Variants in DSCAML1 observed in about 807,000 individuals in gnomAD.
The protein encoded by DSCAML1 is cell adhesion molecule DSCAML1.
Under a neutral mutation model 200.5 loss-of-function variants are expected in DSCAML1, and 38 were observed. That is an observed-to-expected ratio of 0.19 (90% CI 0.15 to 0.25). DSCAML1 has a LOEUF of 0.25. DSCAML1 is among the 10% of genes least tolerant of loss of function. The probability of loss-of-function intolerance (pLI) is 1.00; values close to 1 mark genes in which losing one functional copy is unlikely to be tolerated. For missense variants in DSCAML1, 2,223 were observed against 2,858.8 expected (o/e 0.78, Z 5.07); for synonymous variants, 1,215 against 1,165.0 (o/e 1.04, Z -0.87).
chr11:117,511,463 C>T (rs924502041), intron 8 of DSCAML1, among the ~76,000 whole-genome samples: 3 of 152,176 alleles, frequency 2.0e-5, no homozygotes, highest in South Asian at 4.1e-4. Context: ...TGCTTTTGTG[C>T]TACATTATTT....
At chr11:117,741,439 A>T (rs981804282) in intron 3 of DSCAML1, among the ~76,000 whole-genome samples, 5 of 152,276 alleles carry the variant, frequency 3.3e-5, no homozygotes, top group Admixed American at 6.5e-5. Context: ...CATGGAGCAG[A>T]TGCCCACTGC....
In DSCAML1 at chr11:117,504,157, C is replaced by T; in HGVS notation, c.2183-136G>A. On this transcript the variant is annotated intron_variant, in intron 10 of 32. Transcript: ENST00000651296. The surrounding 1 kb of genome is among the most constrained non-coding windows in gnomAD (Gnocchi z 5.0). ...GCAGAGCTGCACCATCCCCAAAGTG[C>T]TGAGGCCACATGGCTCCTGGTGGGC... The T allele has an allele frequency of 9.5e-7, 1 of 1,055,440 alleles. No homozygotes were observed. The highest frequency in any genetic ancestry group is 1.4e-6 in the Non-Finnish European group (1 of 739,502). The allele number at this position is 1,055,440 out of a possible 1,614,324, so 65.4% of individuals were successfully genotyped here.
At chr11:117,446,870 A>G (rs994037355) in intron 20 of DSCAML1, among the ~76,000 whole-genome samples, 16 of 152,240 alleles carry the variant, frequency 1.1e-4, no homozygotes, top group African/African-American at 3.9e-4. Flanking sequence ...AAATATGTGC[A>G]TAAAGATTTC....
intron 3 of DSCAML1, among the ~76,000 whole-genome samples, chr11:117,686,417 C>T (rs2053401253): frequency 6.6e-6 from 1 of 152,250 alleles, no homozygotes; most frequent in Non-Finnish European, 1.5e-5. Flanking sequence ...GAAGCAGGCA[C>T]TGGGCCTGAT....
At chr11:117,566,847 C>T (rs927877002) in intron 3 of DSCAML1, among the ~76,000 whole-genome samples, 176 of 150,992 alleles carry the variant, frequency 1.2e-3, no homozygotes, top group Non-Finnish European at 2.3e-3. Flanking sequence ...TTTGTTCTTG[C>T]GATAGTTTAC....
intron 3 of DSCAML1, 34 bp downstream of exon 3, chr11:117,776,757 C>T (rs1263522958): frequency 2.5e-6 from 4 of 1,613,398 alleles, no homozygotes; most frequent in Admixed American, 1.7e-5. Context: ...AGAGGGAGCA[C>T]CTCTGTCTGC....
rs910550932 is a variant in DSCAML1 at position 117,469,810 on chromosome 11, T to G, written c.3024+100A>C. On this transcript the variant is annotated intron_variant, in intron 16 of 32. Coordinates refer to ENST00000651296, the MANE Select transcript of DSCAML1 (RefSeq NM_020693.4). The surrounding 1 kb of genome is among the most constrained non-coding windows in gnomAD (Gnocchi z 4.1). The stretch of plus-strand genomic sequence containing the variant: ...TGACAAAACAGACATGGGCATCATA[T>G]AAGACTAGAGACTAGCAAGCCTGCT... The G allele has an allele frequency of 2.7e-6, 3 of 1,107,646 alleles. No individual in the cohort carries two copies. Among genetic ancestry groups the G allele is most frequent in the Admixed American group, 2.4e-5 (1 of 41,312 alleles). 68.6% of individuals were successfully genotyped at this position (1,107,646 alleles called of 1,614,324 possible).
chr11:117,511,824 T>C (rs977642570), intron 8 of DSCAML1, among the ~76,000 whole-genome samples: 3 of 152,252 alleles, frequency 2.0e-5, no homozygotes, highest in Non-Finnish European at 1.5e-5. Flanking sequence ...CTGGCATGCA[T>C]GTTTACGTAT....
chr11:117,752,312 A>G (rs2054618531), intron 3 of DSCAML1, among the ~76,000 whole-genome samples: 1 of 152,168 alleles, frequency 6.6e-6, no homozygotes, highest in African/African-American at 2.4e-5. Context: ...ACGACAATTT[A>G]TGTTTATTTA....
chr11:117,595,240 A>G (rs971419619), intron 3 of DSCAML1, among the ~76,000 whole-genome samples: 2 of 152,170 alleles, frequency 1.3e-5, no homozygotes, highest in African/African-American at 4.8e-5. Context: ...CAGTGGAGCC[A>G]CTGTCTCTGG....
chr11:117,782,397 G>C (rs919602767), intron 1 of DSCAML1, among the ~76,000 whole-genome samples: 1 of 152,218 alleles, frequency 6.6e-6, no homozygotes, highest in African/African-American at 2.4e-5. Context: ...AAGTGCATTT[G>C]CTGTCCCCAC....
At position 117,448,623 on chromosome 11, in the gene DSCAML1, A is replaced by ATG. The variant is rs200455998; in HGVS notation, c.3708+1924_3708+1925dup. Among the ~76,000 whole-genome samples, 18 of 105,988 alleles carry ATG rather than the reference A, an allele frequency of 1.7e-4. 1 individual carries two copies. Among genetic ancestry groups the ATG allele is most frequent in the African/African-American group, 5.5e-4 (14 of 25,464 alleles). 69.5% of individuals were successfully genotyped at this position (105,988 alleles called of 152,430 possible). A position where few individuals can be genotyped will look rare whatever the true frequency, so the allele number is the denominator to read the frequency against. ...CAGCTTAGTGTCCTGAGAGCCTAGA[A>ATG]TGTGTGTGTGTGTGTGGGGGGTGGG... is the stretch of plus-strand genomic sequence containing the variant. On this transcript the variant is annotated intron_variant, in intron 20 of 32. Transcript: ENST00000651296.
At chr11:117,776,770 C>T (rs2055135361) in intron 3 of DSCAML1, 21 bp downstream of exon 3, 1 of 1,613,848 alleles carries the variant, frequency 6.2e-7, no homozygotes, top group African/African-American at 1.3e-5. Context: ...CTGTCTGCCG[C>T]AGCCCCGGGA....
intron 3 of DSCAML1, among the ~76,000 whole-genome samples, chr11:117,690,376 G>C (rs548934620): frequency 1.3e-5 from 2 of 152,284 alleles, no homozygotes; most frequent in East Asian, 1.9e-4. Context: ...CAGCACCCAG[G>C]CTGGCTTGGT....
At chr11:117,649,041 A>ATATATATGTGTGTGTGTG (rs768621807) in intron 3 of DSCAML1, among the ~76,000 whole-genome samples, 5 of 137,844 alleles carry the variant, frequency 3.6e-5, no homozygotes, top group African/African-American at 1.4e-4. Flanking sequence ...CTCCATATAT[A>ATATATATGTGTGTGTGTG]TGTGTGTGTG....
Position 117,698,113 on chromosome 11 carries a change from G to A in DSCAML1, c.511+78678C>T, listed in dbSNP as rs923485352. 7.2e-5 allele frequency among the ~76,000 whole-genome samples: 11 copies of A among 152,268 alleles called. No individual in the cohort carries two copies. The Middle Eastern group carries it at 0.01, about 141-fold the overall frequency. ...GAGGCTGAATCATATTCCATTGTGT[G>A]GCTGTACCACATTTTGTTTAGCTAT... is the stretch of plus-strand genomic sequence containing the variant. On this transcript the variant is annotated intron_variant, in intron 3 of 32. Transcript: ENST00000651296.
chr11:117,503,083 G>C lies in DSCAML1; in HGVS notation c.2359+762C>G, dbSNP rs2049428447. On this transcript the variant is annotated intron_variant, in intron 11 of 32. Transcript: ENST00000651296. The surrounding 1 kb of genome is among the most constrained non-coding windows in gnomAD (Gnocchi z 5.2). The stretch of plus-strand genomic sequence containing the variant: ...CAGCGTAAAGGGAGAGGCTCACCCA[G>C]TAGGGATATCTGTATGAGACTTAAG... Among the ~76,000 whole-genome samples, 1 of 152,206 alleles carries C rather than the reference G, an allele frequency of 6.6e-6. No homozygotes were observed. Among genetic ancestry groups the C allele is most frequent in the Admixed American group, 6.5e-5 (1 of 15,286 alleles).
intron 11 of DSCAML1, among the ~76,000 whole-genome samples, chr11:117,494,270 C>T (rs762363089): frequency 3.9e-5 from 6 of 152,172 alleles, no homozygotes; most frequent in African/African-American, 7.2e-5. Flanking sequence ...CATAGGTCTC[C>T]GTTGCAAGGA....
intron 3 of DSCAML1, among the ~76,000 whole-genome samples, chr11:117,677,921 G>A (rs557435751): frequency 6.6e-6 from 1 of 152,296 alleles, no homozygotes; most frequent in East Asian, 1.9e-4. Flanking sequence ...TGACAGAGCT[G>A]TCTCAAAGGA....
Sources: gnomAD v4.1 joint callset for allele counts (sites outside exome capture counted in the v4.1 genomes callset) on GRCh38, gnomAD v4.1.1 for gene constraint, Gnocchi (gnomAD v3.1) non-coding constraint, MANE v1.5 for transcripts, NCBI Gene and HGNC (gene_info 2026-07-23, HGNC 2026-07-21) for gene names.